NEDD4: variants seen among roughly 807,000 people sequenced by gnomAD.
The protein encoded by NEDD4 is NEDD4 E3 ubiquitin protein ligase, also known as E3 ubiquitin-protein ligase NEDD4.
A neutral mutation model predicts 144.9 loss-of-function variants in NEDD4; 99 were observed. That is an observed-to-expected ratio of 0.68 (90% CI 0.58 to 0.81). The LOEUF is 0.81. Ranked by LOEUF, NEDD4 falls within the 30% of genes least tolerant of loss-of-function variation. The pLI, the probability that NEDD4 is intolerant of heterozygous loss-of-function variation, is 0.00. For synonymous variants in NEDD4, 318 were observed against 350.6 expected (o/e 0.91, Z 1.04); for missense variants, 985 against 1,065.9 (o/e 0.92, Z 1.06).
At chr15:55,855,815 AT>A (rs1223338041) in intron 12 of NEDD4, among the ~76,000 whole-genome samples, 7 of 152,350 alleles carry the variant, frequency 4.6e-5, no homozygotes, top group Non-Finnish European at 7.3e-5. Context: ...TGTGCAGAAC[AT>A]CAGCAAATGG....
intron 4 of NEDD4, among the ~76,000 whole-genome samples, chr15:55,928,523 A>T (rs1381206382): frequency 6.6e-6 from 1 of 152,180 alleles, no homozygotes; most frequent in Non-Finnish European, 1.5e-5. Flanking sequence ...CCAAATATGC[A>T]TCTACCCTAT....
chr15:55,865,197 CAAA>C (rs34140490), intron 8 of NEDD4, among the ~76,000 whole-genome samples: 1 of 84,948 alleles, frequency 1.2e-5, no homozygotes, highest in Non-Finnish European at 2.2e-5. Context: ...GACTCTGTCT[CAAA>C]AAAAAAAAAA....
intron 1 of NEDD4, among the ~76,000 whole-genome samples, chr15:55,974,437 T>C (rs2037665211): frequency 6.6e-6 from 1 of 152,130 alleles, no homozygotes; most frequent in Admixed American, 6.5e-5. Flanking sequence ...ATTACTCTGA[T>C]ATCAAAACCA....
chr15:55,931,347 A>G (rs1469975008), intron 4 of NEDD4, among the ~76,000 whole-genome samples: 8 of 152,202 alleles, frequency 5.3e-5, no homozygotes, highest in African/African-American at 1.9e-4. Flanking sequence ...GGAGGACAGA[A>G]CACCAGAATT....
chr15:55,933,048 A>G (rs1008213086), intron 4 of NEDD4, among the ~76,000 whole-genome samples: 10 of 152,214 alleles, frequency 6.6e-5, no homozygotes, highest in Admixed American at 2.0e-4. Flanking sequence ...TGGAGAGGAT[A>G]TGGAGAAATA....
intron 1 of NEDD4, among the ~76,000 whole-genome samples, chr15:55,966,922 C>T (rs1430404395): frequency 1.3e-5 from 2 of 152,106 alleles, no homozygotes; most frequent in Non-Finnish European, 2.9e-5. Context: ...GAGTCTCACT[C>T]TGTTGCCCAG....
intron 21 of NEDD4, among the ~76,000 whole-genome samples, chr15:55,839,994 AAAAAAATAT>A (rs1367102295): frequency 5.1e-5 from 2 of 39,300 alleles, no homozygotes; most frequent in Non-Finnish European, 9.4e-5. Context: ...AAAAAAAAAA[AAAAAAATAT>A]ATATATATAT....
At chr15:55,962,887 A>G (rs549371853) in intron 2 of NEDD4, among the ~76,000 whole-genome samples, 4 of 151,192 alleles carry the variant, frequency 2.6e-5, no homozygotes, top group Non-Finnish European at 5.9e-5. Flanking sequence ...CCTGGGTTCA[A>G]CTGATTCTCC....
At chr15:55,896,372 T>G (rs2035739480) in intron 5 of NEDD4, among the ~76,000 whole-genome samples, 1 of 152,004 alleles carries the variant, frequency 6.6e-6, no homozygotes, top group African/African-American at 2.4e-5. Context: ...TTTGTAGAGA[T>G]GGGGTTTTGC....
chr15:55,874,488 G>A (rs1383519269), intron 5 of NEDD4, among the ~76,000 whole-genome samples: 1 of 151,918 alleles, frequency 6.6e-6, no homozygotes. Context: ...GAGGAGAAAC[G>A]TCCCAGAAAA....
At chr15:55,908,896 G>GT (rs1188331893) in intron 5 of NEDD4, among the ~76,000 whole-genome samples, 1 of 151,984 alleles carries the variant, frequency 6.6e-6, no homozygotes, top group Non-Finnish European at 1.5e-5. Flanking sequence ...GAGATAAAAA[G>GT]TAAATAAAAG....
chr15:55,942,479 T>C (rs1304556083), intron 4 of NEDD4, among the ~76,000 whole-genome samples: 1 of 151,864 alleles, frequency 6.6e-6, no homozygotes, highest in Non-Finnish European at 1.5e-5. Flanking sequence ...CGACTTCTTA[T>C]GAGATTTGGT....
At chr15:55,890,102 A>G (rs1235261266) in intron 5 of NEDD4, among the ~76,000 whole-genome samples, 1 of 152,190 alleles carries the variant, frequency 6.6e-6, no homozygotes, top group Non-Finnish European at 1.5e-5. Context: ...CTCTGATGCA[A>G]TTATTATGCA....
At chr15:55,944,766 C>G (rs1351840292) in intron 4 of NEDD4, among the ~76,000 whole-genome samples, 2 of 152,154 alleles carry the variant, frequency 1.3e-5, no homozygotes, top group East Asian at 3.9e-4. Flanking sequence ...CAGGCAGGTG[C>G]CCCTCTGGGA....
intron 4 of NEDD4, among the ~76,000 whole-genome samples, chr15:55,933,369 T>C (rs1197753918): frequency 1.3e-5 from 2 of 151,970 alleles, no homozygotes; most frequent in Admixed American, 1.3e-4. Flanking sequence ...GATGAGTTAA[T>C]GGCCTTGTAG....
intron 5 of NEDD4, among the ~76,000 whole-genome samples, chr15:55,895,334 A>T (rs2035704585): frequency 1.3e-5 from 2 of 152,244 alleles, no homozygotes; most frequent in Non-Finnish European, 2.9e-5. Flanking sequence ...TGAGAAATGA[A>T]ATCAGCAGAC....
At chr15:55,968,365 A>G (rs2037551929) in intron 1 of NEDD4, among the ~76,000 whole-genome samples, 1 of 152,142 alleles carries the variant, frequency 6.6e-6, no homozygotes, top group Admixed American at 6.5e-5. Context: ...TACAATCTTA[A>G]TAGCAAAAAT....
intron 7 of NEDD4, among the ~76,000 whole-genome samples, chr15:55,869,919 A>G (rs1282850318): frequency 1.3e-5 from 2 of 152,052 alleles, no homozygotes; most frequent in Non-Finnish European, 2.9e-5. Context: ...AGAAGATGCT[A>G]AGGAAGTTTA....
intron 5 of NEDD4, among the ~76,000 whole-genome samples, chr15:55,890,252 G>GT (rs1223625328): frequency 6.6e-6 from 1 of 152,110 alleles, no homozygotes; most frequent in Non-Finnish European, 1.5e-5. Context: ...ACAATTCAAT[G>GT]TTTTTTAGTA....
Sources: gnomAD v4.1 joint callset for allele counts (sites outside exome capture counted in the v4.1 genomes callset) on GRCh38, gnomAD v4.1.1 for gene constraint, MANE v1.5 for transcripts, NCBI Gene and HGNC (gene_info 2026-07-23, HGNC 2026-07-21) for gene names.